DNAAF3: variants seen among roughly 807,000 people sequenced by gnomAD.
DNAAF3 encodes UPF0470 protein C19orf51.
In DNAAF3, 40 loss-of-function variants were observed where a neutral mutation model predicts 50.9. That is an observed-to-expected ratio of 0.79 (90% CI 0.61 to 1.02). DNAAF3 has a LOEUF of 1.02. DNAAF3 is among the 50% of genes least tolerant of loss of function. The pLI, the probability that DNAAF3 is intolerant of heterozygous loss-of-function variation, is 0.00. For synonymous variants in DNAAF3, 327 were observed against 322.8 expected, an observed-to-expected ratio of 1.01 and a Z score of -0.14; for missense variants, 763 against 744.7, an observed-to-expected ratio of 1.02 and a Z score of -0.29.
rs746451553 is a variant in DNAAF3, at chr19:55,160,749, G to T, written c.939C>A (p.Asn313Lys). ...CCACGTCGCGGAGCAGCTCCGTCACGTTGTGTTGAGTGATCTCCCCGGCCG... is the reference window on the plus strand; with the variant it reads ...CCACGTCGCGGAGCAGCTCCGTCACTTTGTGTTGAGTGATCTCCCCGGCCG... ...VKTAGEITQH[N>K]VTELLRDVAA... is the part of the protein sequence containing the mutation. The change falls in exon 9 of 12, where the codon AAC becomes AAA. Residue 313 changes from asparagine (N) to lysine (K), a missense_variant. Coordinates refer to ENST00000524407, the MANE Select transcript of DNAAF3 (RefSeq NM_001256715.2). The surrounding 1 kb of genome is among the most constrained non-coding windows in gnomAD (Gnocchi z 4.7). 41 of 1,611,788 alleles carry T rather than the reference G, an allele frequency of 2.5e-5. No homozygotes were observed. Among genetic ancestry groups the T allele is most frequent in the Non-Finnish European group, 3.5e-5 (41 of 1,179,736 alleles).
At position 55,161,477 on chromosome 19, in the gene DNAAF3, A is replaced by G; in HGVS notation, c.664-59T>C. ...GTGAACCGAGCGTGGAGAGACCCCT[A>G]CACCAGCCTCCCTCAGACCCAGGAG... On this transcript the variant is annotated intron_variant, in intron 6 of 11. Transcript: ENST00000524407. The surrounding 1 kb of genome is among the most constrained non-coding windows in gnomAD (Gnocchi z 6.4). 1 of 1,544,862 alleles carries G rather than the reference A, an allele frequency of 6.5e-7. No individual in the cohort carries two copies.
Position 55,161,242 on chromosome 19 carries a change from C to T in DNAAF3, c.789+51G>A, listed in dbSNP as rs767034107. ...GAGGTCGATGTTGGGGCCCCTGACT[C>T]CTAGGACTCCGAGCAGCAGCAGTGG... On this transcript the variant is annotated intron_variant, in intron 7 of 11. Transcript: ENST00000524407. This position sits in a 1 kb window ranked among gnomAD's most constrained non-coding sequence, Gnocchi z 6.4. The T allele has an allele frequency of 2.5e-6, 4 of 1,596,794 alleles. No individual in the cohort carries two copies. Among genetic ancestry groups the T allele is most frequent in the Admixed American group, 1.7e-5 (1 of 58,910 alleles).
At chr19:55,163,312 ATTTT>A (rs34371299) in intron 4 of DNAAF3, among the ~76,000 whole-genome samples, 937 of 87,234 alleles carry the variant, frequency 0.011, 72 homozygotes, top group African/African-American at 0.04. Context: ...CCGGCGGCTA[ATTTT>A]TTTTTTTTTT....
rs1046537814 is a variant in DNAAF3, at chr19:55,160,096, G to A, written c.1049-83C>T. The A allele has an allele frequency of 3.2e-5, 30 of 925,838 alleles. No individual in the cohort carries two copies. In the African/African-American group the frequency reaches 4.9e-4, roughly 15 times the overall value. The allele number at this position is 925,838 out of a possible 1,614,324, so 57.4% of individuals were successfully genotyped here. A position where few individuals can be genotyped will look rare whatever the true frequency, so the allele number is the denominator to read the frequency against. On this transcript the variant is annotated intron_variant, in intron 9 of 11. Transcript: ENST00000524407. This position sits in a 1 kb window ranked among gnomAD's most constrained non-coding sequence, Gnocchi z 4.7. ...CCAGAGAGATACACAGAGCTGGGCA[G>A]AGCTGGGCAGGCACACAGGACTTGG...
chr19:55,165,643 C>A, intron 3 of DNAAF3, 180 bp from the exon 4 acceptor site: 2 of 930,912 alleles, frequency 2.1e-6, no homozygotes, highest in Non-Finnish European at 3.2e-6. Flanking sequence ...ACTCAGAAGA[C>A]CTCATCCTCG....
chr19:55,164,967 G>A (rs1419741305), intron 4 of DNAAF3, among the ~76,000 whole-genome samples: 1 of 151,104 alleles, frequency 6.6e-6, no homozygotes, highest in African/African-American at 2.4e-5. Context: ...TTCATCAGAG[G>A]TACCACACTG....
chr19:55,165,325 G>A lies in DNAAF3; in HGVS notation c.322+45C>T, dbSNP rs767833623. On this transcript the variant is annotated intron_variant, in intron 4 of 11. Coordinates refer to ENST00000524407, the MANE Select transcript of DNAAF3 (RefSeq NM_001256715.2). ...GAAATGCCAGAATCCCTCTAGGGAG[G>A]GGGAGGAGACCAGCGGTCAGAATGC... 3 of 1,549,202 alleles carry A rather than the reference G, an allele frequency of 1.9e-6. No homozygotes were observed. The African/African-American group carries it at 4.1e-5, about 21-fold the overall frequency.
At position 55,160,819 on chromosome 19, in the gene DNAAF3, C is replaced by T. The variant is rs745815495; in HGVS notation, c.913-44G>A. The T allele has an allele frequency of 8.2e-6, 13 of 1,586,912 alleles. No individual in the cohort carries two copies. The East Asian group carries it at 2.0e-4, about 25-fold the overall frequency. Reference sequence around the variant, plus strand: ...TGGCCAGACGTCGGGGCCAGGATGGCGGGGCGGGGCTTAGAACGCTGGGAG... The same window carrying T: ...TGGCCAGACGTCGGGGCCAGGATGGTGGGGCGGGGCTTAGAACGCTGGGAG... On this transcript the variant is annotated intron_variant, in intron 8 of 11. Transcript: ENST00000524407. This position sits in a 1 kb window ranked among gnomAD's most constrained non-coding sequence, Gnocchi z 4.7.
chr19:55,165,778 G>A (rs1226151014), intron 3 of DNAAF3, 80 bp downstream of exon 3: 2 of 1,551,250 alleles, frequency 1.3e-6, no homozygotes, highest in Non-Finnish European at 1.7e-6. Context: ...CTTCATTCCT[G>A]GACCTGAGGT....
rs558776614 is a variant in DNAAF3, at chr19:55,162,442, C to T, written c.323-152G>A. On this transcript the variant is annotated intron_variant, in intron 4 of 11. Transcript: ENST00000524407. ...CCCAAAAACTACATGAAGAACAGGG[C>T]CGGACATGGTGGCGGGCGCCTGTAA... 128 of 988,292 alleles carry T rather than the reference C, an allele frequency of 1.3e-4. No homozygotes were observed. In the African/African-American group the frequency reaches 2.0e-3, roughly 15 times the overall value. 61.2% of individuals were successfully genotyped at this position (988,292 alleles called of 1,614,324 possible).
At position 55,161,731 on chromosome 19, in the gene DNAAF3, G is replaced by C. The variant is rs1229979818; in HGVS notation, c.575C>G (p.Ser192Trp). ...GGAGCCCAGGTAGTGGCGCAGGCGCGAGTCCCAGAGGCGGCTCATGGGGAA... is the reference window on the plus strand; with the variant it reads ...GGAGCCCAGGTAGTGGCGCAGGCGCCAGTCCCAGAGGCGGCTCATGGGGAA... ...QAFPMSRLWDSRLRHYLGSRY... is the reference protein window; with the variant it reads ...QAFPMSRLWDWRLRHYLGSRY... Residue 192 changes from serine (S) to tryptophan (W), a missense_variant, in exon 6 of 12, where the codon TCG (serine) becomes TGG (tryptophan). Transcript: ENST00000524407. This position sits in a 1 kb window ranked among gnomAD's most constrained non-coding sequence, Gnocchi z 6.4. The C allele has an allele frequency of 1.9e-6, 3 of 1,540,210 alleles. No homozygotes were observed. Among genetic ancestry groups the C allele is most frequent in the Non-Finnish European group, 2.6e-6 (3 of 1,146,062 alleles).
At position 55,160,730 on chromosome 19, in the gene DNAAF3, C is replaced by T; in HGVS notation, c.958G>A (p.Asp320Asn). 1.2e-6 allele frequency: 2 copies of T among 1,612,852 alleles called. No individual in the cohort carries two copies. Among genetic ancestry groups the T allele is most frequent in the Non-Finnish European group, 1.7e-6 (2 of 1,179,862 alleles). The change falls in exon 9 of 12, where the codon GAC (aspartate) becomes AAC (asparagine). Residue 320 changes from aspartate (D) to asparagine (N), a missense_variant. Asp to Asn is a conservative substitution (Grantham distance 23). Transcript: ENST00000524407. This position sits in a 1 kb window ranked among gnomAD's most constrained non-coding sequence, Gnocchi z 4.7. Reference protein sequence around the residue: ...TQHNVTELLRDVAAWGRARAT... With the variant: ...TQHNVTELLRNVAAWGRARAT... ...CTCGCGCGCCCCCAGGCGGCCACGT[C>T]GCGGAGCAGCTCCGTCACGTTGTGT...
At position 55,166,049 on chromosome 19, in the gene DNAAF3, C is replaced by T. The variant is rs2085932939; in HGVS notation, c.86-49G>A. The T allele has an allele frequency of 1.9e-6, 3 of 1,614,018 alleles. No individual in the cohort carries two copies. Among genetic ancestry groups the T allele is most frequent in the Non-Finnish European group, 2.5e-6 (3 of 1,179,970 alleles). ...GGCACCATGGTGGTTGGCAGAGCGT[C>T]CACCGTAGCATCCCCTATAAAAAAT... On this transcript the variant is annotated intron_variant, in intron 2 of 11. Coordinates refer to ENST00000524407, the MANE Select transcript of DNAAF3 (RefSeq NM_001256715.2). This position sits in a 1 kb window ranked among gnomAD's most constrained non-coding sequence, Gnocchi z 4.0.
rs2085942243 is a variant in DNAAF3, at chr19:55,166,537, T to C, written c.-19A>G. On this transcript the variant is annotated 5_prime_UTR_variant, in exon 1 of 12. It adds an upstream start codon to the 5' untranslated region. Coordinates refer to ENST00000524407, the MANE Select transcript of DNAAF3 (RefSeq NM_001256715.2). This position sits in a 1 kb window ranked among gnomAD's most constrained non-coding sequence, Gnocchi z 4.0. ...CTTGCCCACACCTTTATCCTCCAAA[T>C]ATCCCGGGACGCCCCTTCCTCTCTG... The C allele has an allele frequency of 6.2e-7, 1 of 1,613,968 alleles. No individual in the cohort carries two copies. Among genetic ancestry groups the C allele is most frequent in the Non-Finnish European group, 8.5e-7 (1 of 1,180,020 alleles).
rs750438145 is a variant in DNAAF3, at chr19:55,165,872, G to A, written c.214C>T (p.Arg72Cys). ...RTLSRAKFWP[R>C]RRFNFFVLEN... ...TCCCAGCTCACGTTGAACCTCCTGC[G>A]AGGCCAGAACTTCGCTCGGGACAGG... The change falls in exon 3 of 12, where the codon CGC becomes TGC. Residue 72 changes from arginine (R) to cysteine (C), a missense_variant. Physicochemically the swap from Arg to Cys is radical, Grantham distance 180 (BLOSUM62 -3). Coordinates refer to ENST00000524407, the MANE Select transcript of DNAAF3 (RefSeq NM_001256715.2). 12 of 1,614,046 alleles carry A rather than the reference G, an allele frequency of 7.4e-6. No individual in the cohort carries two copies. The highest frequency in any genetic ancestry group is 8.5e-6 in the Non-Finnish European group (10 of 1,180,014).
At position 55,159,962 on chromosome 19, in the gene DNAAF3, G is replaced by T. The variant is rs768812237; in HGVS notation, c.1100C>A (p.Ala367Asp). 4.0e-5 allele frequency: 64 copies of T among 1,613,892 alleles called. No individual in the cohort carries two copies. The highest frequency in any genetic ancestry group is 5.3e-5 in the Non-Finnish European group (62 of 1,180,030). The change falls in exon 10 of 12, where the codon GCT becomes GAT. Residue 367 changes from alanine (A) to aspartate (D), a missense_variant. Ala to Asp is a moderately radical substitution (Grantham distance 126). Transcript: ENST00000524407. Reference sequence around the variant, plus strand: ...GCAGCTCTTGTGGTGGAGAGTCTGAGCAGAATTGAGCGGCAGGAAGTGGAC... The same window carrying T: ...GCAGCTCTTGTGGTGGAGAGTCTGATCAGAATTGAGCGGCAGGAAGTGGAC... ...FTVHFLPLNS[A>D]QTLHHKSCYN... is the part of the protein sequence containing the mutation.
intron 11 of DNAAF3, 36 bp downstream of exon 11, chr19:55,159,497 C>A (rs750077313): frequency 6.2e-7 from 1 of 1,600,678 alleles, no homozygotes; most frequent in South Asian, 1.1e-5. Flanking sequence ...TGATCCCCAG[C>A]CAGGATGTTC....
chr19:55,159,491 C>T lies in DNAAF3; in HGVS notation c.1238+42G>A, dbSNP rs758777169. 3.1e-5 allele frequency: 50 copies of T among 1,602,938 alleles called. No individual in the cohort carries two copies. The South Asian group carries it at 5.4e-4, about 17-fold the overall frequency. Reference sequence around the variant, plus strand: ...CCCTGTCAGGGACCCAGATTTTGATCCCCAGCCAGGATGTTCCCCACCCTC... The same window carrying T: ...CCCTGTCAGGGACCCAGATTTTGATTCCCAGCCAGGATGTTCCCCACCCTC... On this transcript the variant is annotated intron_variant, in intron 11 of 11. Transcript: ENST00000524407.
Position 55,160,502 on chromosome 19 carries a change from A to T in DNAAF3, c.1048+138T>A. The T allele has an allele frequency of 7.1e-7, 1 of 1,417,062 alleles. No homozygotes were observed. The highest frequency in any genetic ancestry group is 9.7e-7 in the Non-Finnish European group (1 of 1,032,840). The allele number at this position is 1,417,062 out of a possible 1,614,324, so 87.8% of individuals were successfully genotyped here. ...CATGCTCTCAGAATTTAGGAAAGGG[A>T]GAGAAAGAGAGAAAAAGAGACAGAA... On this transcript the variant is annotated intron_variant, in intron 9 of 11. Coordinates refer to ENST00000524407, the MANE Select transcript of DNAAF3 (RefSeq NM_001256715.2). This position sits in a 1 kb window ranked among gnomAD's most constrained non-coding sequence, Gnocchi z 4.7.
Sources: gnomAD v4.1 joint callset for allele counts (sites outside exome capture counted in the v4.1 genomes callset) on GRCh38, gnomAD v4.1.1 for gene constraint, Gnocchi (gnomAD v3.1) non-coding constraint, MANE v1.5 for transcripts, NCBI Gene and HGNC (gene_info 2026-07-23, HGNC 2026-07-21) for gene names.